Variants in ZP3 observed in about 807,000 individuals in gnomAD.
The protein encoded by ZP3 is zona pellucida glycoprotein 3, also known as zona pellucida sperm-binding protein 3.
In ZP3, 21 loss-of-function variants were observed where a neutral mutation model predicts 35.6. The ratio of observed to expected loss-of-function variants is 0.59; its 90% CI spans 0.42 to 0.85. The LOEUF (loss-of-function observed/expected upper bound fraction) is 0.85, where lower values mean the gene tolerates loss of function less well. ZP3 is among the 40% of genes least tolerant of loss of function. The probability of loss-of-function intolerance (pLI) is 0.00; values close to 1 mark genes in which losing one functional copy is unlikely to be tolerated. For synonymous variants in ZP3, 207 were observed against 214.5 expected (o/e 0.96, Z 0.31); for missense variants, 437 against 536.5 (o/e 0.81, Z 1.83).
chr7:76,398,730 CG>C, intron 1 of ZP3: 1 of 1,613,194 alleles, frequency 6.2e-7, no homozygotes, highest in Non-Finnish European at 8.5e-7. Context: ...TTTTTCCATT[CG>C]GCAGTGTCGT....
At chr7:76,427,866 G>T (rs1343660269) in intron 1 of ZP3, among the ~76,000 whole-genome samples, 1 of 152,138 alleles carries the variant, frequency 6.6e-6, no homozygotes, top group African/African-American at 2.4e-5. Context: ...TTTTTGTAGA[G>T]ATGGGGTCTA....
At chr7:76,432,878 G>A in intron 2 of ZP3, 49 bp from the exon 3 acceptor site, 2 of 1,529,856 alleles carry the variant, frequency 1.3e-6, no homozygotes, top group Non-Finnish European at 9.0e-7. Flanking sequence ...TGGGGGCCCA[G>A]GTGGGTGTGA....
At chr7:76,433,784 T>A (rs1300327063) in intron 4 of ZP3, 137 bp downstream of exon 4, 2 of 1,102,306 alleles carry the variant, frequency 1.8e-6, no homozygotes, top group African/African-American at 3.2e-5. Context: ...CTGCAACCTC[T>A]GCCTCCCAGG....
Position 76,405,299 on chromosome 7 carries a change from ATATATATATATATATATG to A in ZP3, c.-67+7506_-67+7523del, listed in dbSNP as rs1563686867. Among the ~76,000 whole-genome samples, 2 of 48,000 alleles carry A rather than the reference ATATATATATATATATATG, an allele frequency of 4.2e-5. 1 individual carries two copies. Among genetic ancestry groups the A allele is most frequent in the African/African-American group, 2.0e-4 (2 of 9,778 alleles). The allele number at this position is 48,000 out of a possible 152,430, so 31.5% of individuals were successfully genotyped here. ...TATATATATATATATATATATATAT[ATATATATATATATATATG>A]TATTTTTTTCTTTCTTTCTTTCTTT... On this transcript the variant is annotated intron_variant, in intron 1 of 8. Transcript: ENST00000336517.
chr7:76,408,742 G>A (rs17149201), intron 1 of ZP3, among the ~76,000 whole-genome samples: 4,256 of 152,200 alleles, frequency 0.028, 125 homozygotes, highest in East Asian at 0.14. Flanking sequence ...CCTGCTTCAC[G>A]CCCAAGGGAA....
intron 1 of ZP3, chr7:76,400,261 C>T (rs570424679): frequency 2.8e-6 from 4 of 1,443,024 alleles, no homozygotes; most frequent in South Asian, 3.1e-5. Context: ...CTGTCTGTCC[C>T]TCCAGGTCCC....
At chr7:76,429,767 T>C in intron 2 of ZP3, 134 bp downstream of exon 2, 1 of 782,428 alleles carries the variant, frequency 1.3e-6, no homozygotes, top group Non-Finnish European at 2.2e-6. Flanking sequence ...GCAGCTGTGG[T>C]TACTGTACTG....
intron 5 of ZP3, among the ~76,000 whole-genome samples, chr7:76,434,988 G>A (rs1805946911): frequency 6.6e-6 from 1 of 152,216 alleles, no homozygotes; most frequent in Non-Finnish European, 1.5e-5. Context: ...CTGAGGTGGG[G>A]GAGGGATGCA....
At chr7:76,441,722 T>C (rs1041858239) in intron 7 of ZP3, 120 bp from the exon 8 acceptor site, 3 of 1,193,094 alleles carry the variant, frequency 2.5e-6, no homozygotes, top group Non-Finnish European at 1.2e-6. Flanking sequence ...AGAAACTGTT[T>C]ATTAGCCCAC....
chr7:76,425,226 G>T lies in ZP3; in HGVS notation c.262G>T (p.Asp88Tyr), dbSNP rs140647241. The change falls in exon 1 of 8, where the codon GAT becomes TAT. Residue 88 changes from aspartate to tyrosine, a missense_variant. Asp to Tyr is a radical substitution (Grantham distance 160). Transcript: ENST00000394857. ...CEPLVSMDTE[D>Y]VVRFEVGLHE... is the part of the protein sequence containing the mutation. ...GCCTCTGGTCTCCATGGACACAGAA[G>T]ATGTGGTCAGGTTTGAGGTTGGACT... 848 of 1,613,722 alleles carry T rather than the reference G, an allele frequency of 5.3e-4. 8 individuals are homozygous for T. The South Asian group carries it at 6.1e-3, about 12-fold the overall frequency.
intron 1 of ZP3, among the ~76,000 whole-genome samples, chr7:76,418,292 G>A (rs1379632652): frequency 1.3e-5 from 2 of 151,876 alleles, no homozygotes. Context: ...TCCTTAAGAT[G>A]GCCAAAATAT....
intron 1 of ZP3, among the ~76,000 whole-genome samples, chr7:76,407,119 C>G (rs984366103): frequency 1.3e-5 from 2 of 152,074 alleles, no homozygotes; most frequent in Middle Eastern, 3.2e-3. Flanking sequence ...TGCCACCATA[C>G]TCGGCTAATT....
intron 1 of ZP3, among the ~76,000 whole-genome samples, chr7:76,405,331 C>CTTTCTTTCTTTCTTTCTTTTTTTT (rs1804980172): frequency 3.8e-5 from 1 of 26,390 alleles, no homozygotes; most frequent in African/African-American, 1.7e-4. Flanking sequence ...TTTTTTCTTT[C>CTTTCTTTCTTTCTTTCTTTTTTTT]TTTCTTTCTT....
At position 76,433,735 on chromosome 7, in the gene ZP3, G is replaced by A. The variant is rs2115918942; in HGVS notation, c.713+88G>A. 1.0e-5 allele frequency: 14 copies of A among 1,390,010 alleles called. No homozygotes were observed. In the South Asian group the frequency reaches 1.9e-4, roughly 19 times the overall value. 86.1% of individuals were successfully genotyped at this position (1,390,010 alleles called of 1,614,324 possible). A position where few individuals can be genotyped will look rare whatever the true frequency, so the allele number is the denominator to read the frequency against. Reference sequence around the variant, plus strand: ...TGGCTTTTTGAGACAGTGTCACTCTGTAACCCAGGCTGGAATACAGAGGCT... The same window carrying A: ...TGGCTTTTTGAGACAGTGTCACTCTATAACCCAGGCTGGAATACAGAGGCT... On this transcript the variant is annotated intron_variant, in intron 4 of 7. Coordinates refer to ENST00000394857, the MANE Select transcript of ZP3 (RefSeq NM_001110354.2).
intron 2 of ZP3, among the ~76,000 whole-genome samples, 181 bp from the exon 3 acceptor site, chr7:76,432,746 T>G (rs1179190352): frequency 1.3e-5 from 2 of 152,112 alleles, no homozygotes; most frequent in African/African-American, 4.8e-5. Context: ...GTGCAGAAGT[T>G]CAGGAGGGTG....
intron 5 of ZP3, among the ~76,000 whole-genome samples, chr7:76,437,880 G>C (rs1806072267): frequency 6.6e-6 from 1 of 152,244 alleles, no homozygotes; most frequent in African/African-American, 2.4e-5. Context: ...AACATACTAG[G>C]AAAAAGCTAA....
chr7:76,435,957 C>G (rs1805986488), intron 5 of ZP3, among the ~76,000 whole-genome samples: 1 of 151,050 alleles, frequency 6.6e-6, no homozygotes, highest in African/African-American at 2.4e-5. Flanking sequence ...AACTCTTGAC[C>G]TCATTATCCA....
chr7:76,398,868 G>T, intron 1 of ZP3: 1 of 1,522,960 alleles, frequency 6.6e-7, no homozygotes, highest in Non-Finnish European at 9.1e-7. Flanking sequence ...TGTTTAAGGG[G>T]CAGGAGGATG....
intron 1 of ZP3, among the ~76,000 whole-genome samples, chr7:76,411,748 A>G (rs1417339233): frequency 6.6e-6 from 1 of 152,186 alleles, no homozygotes; most frequent in Non-Finnish European, 1.5e-5. Flanking sequence ...CAGTGTCTTA[A>G]AAATCTAAAT....
Sources: gnomAD v4.1 joint callset for allele counts (sites outside exome capture counted in the v4.1 genomes callset) on GRCh38, gnomAD v4.1.1 for gene constraint, MANE v1.5 for transcripts, NCBI Gene and HGNC (gene_info 2026-07-23, HGNC 2026-07-21) for gene names.